Variants in PHLDB2 observed in about 807,000 individuals in gnomAD.
PHLDB2 encodes pleckstrin homology-like domain family B member 2.
Under a neutral mutation model 123.6 loss-of-function variants are expected in PHLDB2, and 71 were observed. That is an observed-to-expected ratio of 0.57 (90% CI 0.47 to 0.70). PHLDB2 has a LOEUF of 0.70. Among genes scored for constraint, PHLDB2 ranks in the 30% least tolerant of loss-of-function variants. The pLI is 0.00. For synonymous variants in PHLDB2, 547 were observed against 541.6 expected (o/e 1.01, Z -0.14); for missense variants, 1,446 against 1,519.5 (o/e 0.95, Z 0.80).
At chr3:111,936,685 A>T (rs2069512562) in intron 6 of PHLDB2, among the ~76,000 whole-genome samples, 1 of 152,208 alleles carries the variant, frequency 6.6e-6, no homozygotes, top group South Asian at 2.1e-4. Flanking sequence ...AATAACACAT[A>T]TTGCATATTA....
intron 1 of PHLDB2, among the ~76,000 whole-genome samples, chr3:111,770,239 T>C (rs1337803656): frequency 3.3e-5 from 5 of 152,202 alleles, no homozygotes; most frequent in South Asian, 2.1e-4. Flanking sequence ...AGGCTCTTTT[T>C]TGGGATATGG....
rs1007542369 is a variant in PHLDB2, at chr3:111,974,411, T to C, written c.3622-12T>C. On this transcript the variant is annotated splice_polypyrimidine_tract_variant and intron_variant, in intron 17 of 17. Transcript: ENST00000431670. ...GTTTATTTTACATTCTTTTTCCTTT[T>C]TTGAATTTTAGAGTCCTAATCCGTT... 1.4e-5 allele frequency: 22 copies of C among 1,578,750 alleles called. No individual in the cohort carries two copies. Among genetic ancestry groups the C allele is most frequent in the East Asian group, 2.3e-5 (1 of 44,104 alleles).
chr3:111,953,590 T>G (rs1276781225), intron 11 of PHLDB2, among the ~76,000 whole-genome samples: 1 of 152,172 alleles, frequency 6.6e-6, no homozygotes, highest in African/African-American at 2.4e-5. Flanking sequence ...TTTTGCATGG[T>G]GCGCATGCAT....
Position 111,920,226 on chromosome 3 carries a change from C to G in PHLDB2, c.1864-56C>G, listed in dbSNP as rs138592342. On this transcript the variant is annotated intron_variant, in intron 4 of 17. Transcript: ENST00000431670. Reference sequence around the variant, plus strand: ...GTTGCAAATGTATCTCTAGGGTGGTCAGTTGAGAATATCCCCAAAGGTGAA... The same window carrying G: ...GTTGCAAATGTATCTCTAGGGTGGTGAGTTGAGAATATCCCCAAAGGTGAA... 3.4e-4 allele frequency: 530 copies of G among 1,570,198 alleles called. 6 individuals carry two copies. The African/African-American group carries it at 6.3e-3, about 19-fold the overall frequency.
At chr3:111,789,446 G>T (rs2060821660) in intron 1 of PHLDB2, among the ~76,000 whole-genome samples, 1 of 152,100 alleles carries the variant, frequency 6.6e-6, no homozygotes, top group African/African-American at 2.4e-5. Context: ...AAATGGTTTT[G>T]CTATAAGTAC....
At chr3:111,773,823 C>A (rs549733661) in intron 1 of PHLDB2, among the ~76,000 whole-genome samples, 5 of 152,286 alleles carry the variant, frequency 3.3e-5, no homozygotes, top group African/African-American at 1.2e-4. Context: ...CTTATTGGAT[C>A]TTTATTTCTA....
chr3:111,864,567 G>A (rs1230868220), intron 1 of PHLDB2, among the ~76,000 whole-genome samples: 1 of 152,192 alleles, frequency 6.6e-6, no homozygotes, highest in Non-Finnish European at 1.5e-5. Flanking sequence ...CAAGATAGTT[G>A]TCTATAGCAG....
chr3:111,742,645 CT>C (rs941139106), intron 1 of PHLDB2, among the ~76,000 whole-genome samples: 42 of 152,216 alleles, frequency 2.8e-4, no homozygotes, highest in African/African-American at 1.0e-3. Flanking sequence ...TGAACTCGTC[CT>C]TTTTTATGGC....
intron 10 of PHLDB2, chr3:111,949,864 A>AGGC: frequency 1.0e-6 from 1 of 986,088 alleles, no homozygotes; most frequent in African/African-American, 1.7e-5. Flanking sequence ...GAAACACAGA[A>AGGC]GGCAGCAGCA....
intron 5 of PHLDB2, among the ~76,000 whole-genome samples, chr3:111,921,219 A>C (rs1577088246): frequency 6.6e-6 from 1 of 152,368 alleles, no homozygotes; most frequent in East Asian, 1.9e-4. Context: ...TAGTTAGAGC[A>C]GAACTAAAAA....
chr3:111,783,426 T>G (rs1316882880), intron 1 of PHLDB2, among the ~76,000 whole-genome samples: 1 of 151,846 alleles, frequency 6.6e-6, no homozygotes, highest in Non-Finnish European at 1.5e-5. Flanking sequence ...GACTGAGGCT[T>G]GGAGAAAAAA....
intron 3 of PHLDB2, chr3:111,916,042 G>A (rs2068152852): frequency 6.6e-6 from 1 of 152,200 alleles, no homozygotes; most frequent in Non-Finnish European, 1.5e-5. Context: ...ACATTAAGCT[G>A]TGTGCTGTCT....
At chr3:111,867,601 AT>A (rs1480040682) in intron 1 of PHLDB2, among the ~76,000 whole-genome samples, 1 of 152,176 alleles carries the variant, frequency 6.6e-6, no homozygotes, top group Admixed American at 6.5e-5. Context: ...CTCTAAGAGT[AT>A]TTTTAAGATA....
intron 1 of PHLDB2, among the ~76,000 whole-genome samples, chr3:111,806,346 C>T (rs1396282660): frequency 3.3e-5 from 5 of 152,148 alleles, no homozygotes; most frequent in African/African-American, 4.8e-5. Context: ...CCCAGCCAAC[C>T]ACCGAACCAA....
intron 8 of PHLDB2, among the ~76,000 whole-genome samples, chr3:111,944,255 G>A (rs1323647358): frequency 2.0e-5 from 3 of 152,260 alleles, no homozygotes; most frequent in African/African-American, 4.8e-5. Context: ...ACAGGTAGGG[G>A]CATGAGGAAA....
intron 1 of PHLDB2, among the ~76,000 whole-genome samples, chr3:111,734,080 C>T (rs998824142): frequency 6.6e-6 from 1 of 152,166 alleles, no homozygotes; most frequent in Non-Finnish European, 1.5e-5. Context: ...CCATTGTAGA[C>T]ATAAACCCTT....
intron 6 of PHLDB2, among the ~76,000 whole-genome samples, chr3:111,935,093 A>ATTTTTTTTT: frequency 1.3e-5 from 1 of 75,166 alleles, no homozygotes; most frequent in Non-Finnish European, 2.5e-5. Flanking sequence ...TGGTATCTTG[A>ATTTTTTTTT]TTTTTTTTTT....
intron 1 of PHLDB2, among the ~76,000 whole-genome samples, chr3:111,878,982 A>G (rs923774157): frequency 2.6e-5 from 4 of 152,080 alleles, no homozygotes; most frequent in African/African-American, 9.7e-5. Flanking sequence ...TTTTGCATTG[A>G]TGTTCATTAG....
chr3:111,961,702 T>C (rs961789671), intron 12 of PHLDB2, among the ~76,000 whole-genome samples: 2 of 152,210 alleles, frequency 1.3e-5, no homozygotes, highest in Non-Finnish European at 2.9e-5. Flanking sequence ...TTGAATACCA[T>C]TGAAGAAGTG....
Sources: gnomAD v4.1 joint callset for allele counts (sites outside exome capture counted in the v4.1 genomes callset) on GRCh38, gnomAD v4.1.1 for gene constraint, MANE v1.5 for transcripts, NCBI Gene and HGNC (gene_info 2026-07-23, HGNC 2026-07-21) for gene names.